ATP9A: variants seen among roughly 807,000 people sequenced by gnomAD.
ATP9A encodes probable phospholipid-transporting ATPase IIA.
A neutral mutation model predicts 144.1 loss-of-function variants in ATP9A; 52 were observed. The observed-to-expected ratio is 0.36, with a 90% CI of 0.29 to 0.45. The LOEUF is 0.45. Ranked by LOEUF, ATP9A falls within the 20% of genes least tolerant of loss-of-function variation. The pLI is 1.00. For missense variants in ATP9A, 947 were observed against 1,392.7 expected, an observed-to-expected ratio of 0.68 and a Z score of 5.09; for synonymous variants, 582 against 557.4, an observed-to-expected ratio of 1.04 and a Z score of -0.62.
intron 9 of ATP9A, among the ~76,000 whole-genome samples, chr20:51,682,689 T>G (rs994512936): frequency 2.8e-5 from 4 of 144,880 alleles, no homozygotes; most frequent in Non-Finnish European, 4.5e-5. Context: ...CCTCCCAGGT[T>G]CAAGTGATTC....
chr20:51,724,273 T>C (rs1423667121), intron 3 of ATP9A, among the ~76,000 whole-genome samples: 1 of 152,226 alleles, frequency 6.6e-6, no homozygotes, highest in Non-Finnish European at 1.5e-5. Context: ...AAACAGCAAC[T>C]GCATTTCATA....
chr20:51,642,754 A>C lies in ATP9A; in HGVS notation c.1507-3250T>G, dbSNP rs923982053. On this transcript the variant is annotated intron_variant, in intron 14 of 27. Coordinates refer to ENST00000338821, the MANE Select transcript of ATP9A (RefSeq NM_006045.3). The stretch of plus-strand genomic sequence containing the variant: ...AAAAAAAAAAAAAAAAAAAAAAAAA[A>C]AAAAAAAAAACCTGGCGTTCCTCTT... Among the ~76,000 whole-genome samples the C allele has an allele frequency of 2.0e-3, 261 of 132,614 alleles. 1 individual carries two copies. Among genetic ancestry groups the C allele is most frequent in the Non-Finnish European group, 3.6e-3 (221 of 61,778 alleles). The allele number at this position is 132,614 out of a possible 152,430, so 87.0% of individuals were successfully genotyped here. A position where few individuals can be genotyped will look rare whatever the true frequency, so the allele number is the denominator to read the frequency against.
chr20:51,626,538 C>T (rs1288702055), intron 17 of ATP9A, among the ~76,000 whole-genome samples: 5 of 150,050 alleles, frequency 3.3e-5, no homozygotes, highest in African/African-American at 7.4e-5. Context: ...GAACCAGATG[C>T]GGTGGCTCAC....
intron 13 of ATP9A, among the ~76,000 whole-genome samples, chr20:51,664,263 A>G (rs1394816865): frequency 6.6e-6 from 1 of 152,178 alleles, no homozygotes; most frequent in Non-Finnish European, 1.5e-5. Flanking sequence ...TTACAAAACA[A>G]GAAAAAAAAT....
At chr20:51,729,057 C>T (rs1535884) in intron 2 of ATP9A, among the ~76,000 whole-genome samples, 99,650 of 152,038 alleles carry the variant, frequency 0.66, 33,254 homozygotes, top group East Asian at 0.96. Context: ...AGCAAAAATA[C>T]TAATGAAAAT....
At chr20:51,606,719 A>G (rs2077165061) in intron 26 of ATP9A, among the ~76,000 whole-genome samples, 1 of 152,058 alleles carries the variant, frequency 6.6e-6, no homozygotes, top group Admixed American at 6.5e-5. Context: ...GAAGAAATGA[A>G]CTGATTTGGA....
At chr20:51,683,078 C>A (rs1438922555) in intron 9 of ATP9A, among the ~76,000 whole-genome samples, 6 of 150,592 alleles carry the variant, frequency 4.0e-5, no homozygotes, top group African/African-American at 1.5e-4. Flanking sequence ...GGGACAAGAG[C>A]AAAACTTTGT....
intron 4 of ATP9A, among the ~76,000 whole-genome samples, chr20:51,708,506 G>A (rs1040894126): frequency 8.6e-5 from 13 of 151,874 alleles, no homozygotes; most frequent in African/African-American, 2.9e-4. Flanking sequence ...AGGCCGAGGC[G>A]GGCGGGTCAC....
chr20:51,686,826 T>C (rs1462856650), intron 9 of ATP9A, among the ~76,000 whole-genome samples: 2 of 151,620 alleles, frequency 1.3e-5, no homozygotes, highest in African/African-American at 4.8e-5. Context: ...TCCCAGCTAC[T>C]GGAGAGGCTG....
intron 4 of ATP9A, among the ~76,000 whole-genome samples, chr20:51,700,605 C>T (rs957828336): frequency 1.3e-5 from 2 of 152,100 alleles, no homozygotes; most frequent in African/African-American, 2.4e-5. Context: ...CCGAGGCGGG[C>T]GGATCACCTG....
chr20:51,635,843 A>AGGGAGGG (rs2077289676), intron 15 of ATP9A, among the ~76,000 whole-genome samples: 2 of 32,126 alleles, frequency 6.2e-5, no homozygotes, highest in Admixed American at 3.0e-4. Flanking sequence ...GGAGGGAGGG[A>AGGGAGGG]AAAAGGAAGG....
intron 14 of ATP9A, among the ~76,000 whole-genome samples, chr20:51,647,649 G>A (rs567408160): frequency 2.0e-3 from 310 of 151,656 alleles, no homozygotes; most frequent in Non-Finnish European, 3.6e-3. Flanking sequence ...AGAATAGCTG[G>A]AACCCAGGAG....
At chr20:51,707,813 C>T (rs1238276503) in intron 4 of ATP9A, among the ~76,000 whole-genome samples, 2 of 152,084 alleles carry the variant, frequency 1.3e-5, no homozygotes, top group African/African-American at 2.4e-5. Flanking sequence ...GATGCAGAAA[C>T]CTAGCATAGA....
intron 14 of ATP9A, among the ~76,000 whole-genome samples, chr20:51,651,180 A>C (rs2077363060): frequency 6.9e-6 from 1 of 144,226 alleles, no homozygotes. Flanking sequence ...ACACACACAC[A>C]AAGTAAATAT....
intron 9 of ATP9A, among the ~76,000 whole-genome samples, chr20:51,686,839 G>A (rs1250040546): frequency 6.6e-6 from 1 of 151,938 alleles, no homozygotes; most frequent in Non-Finnish European, 1.5e-5. Flanking sequence ...AGAGGCTGAG[G>A]CAGGAGAATC....
At chr20:51,680,666 G>A (rs1316647057) in intron 9 of ATP9A, among the ~76,000 whole-genome samples, 2 of 152,038 alleles carry the variant, frequency 1.3e-5, no homozygotes, top group African/African-American at 4.8e-5. Flanking sequence ...TAACCGAGAG[G>A]CAAGAGTTAC....
intron 1 of ATP9A, among the ~76,000 whole-genome samples, chr20:51,754,198 C>T (rs991998853): frequency 6.6e-6 from 1 of 152,102 alleles, no homozygotes; most frequent in Non-Finnish European, 1.5e-5. Flanking sequence ...AACTCAATCT[C>T]AGATACAGAA....
chr20:51,678,955 T>G (rs990183790), intron 9 of ATP9A, among the ~76,000 whole-genome samples: 4 of 152,138 alleles, frequency 2.6e-5, no homozygotes, highest in African/African-American at 9.7e-5. Flanking sequence ...CGGATGCGCC[T>G]TGGCTTGGTC....
chr20:51,641,068 A>AT (rs112654821), intron 14 of ATP9A, among the ~76,000 whole-genome samples: 28 of 152,182 alleles, frequency 1.8e-4, no homozygotes, highest in African/African-American at 6.3e-4. Flanking sequence ...CTAAAAAAAA[A>AT]TTTTTTAATT....
Sources: gnomAD v4.1 joint callset for allele counts (sites outside exome capture counted in the v4.1 genomes callset) on GRCh38, gnomAD v4.1.1 for gene constraint, MANE v1.5 for transcripts, NCBI Gene and HGNC (gene_info 2026-07-23, HGNC 2026-07-21) for gene names.